Variants in CTNNA2 observed in about 807,000 individuals in gnomAD.
The protein encoded by CTNNA2 is catenin alpha 2, also known as catenin alpha-2.
CTNNA2 carries 42 observed loss-of-function variants against 101.0 expected under a neutral mutation model. That is an observed-to-expected ratio of 0.42 (90% CI 0.32 to 0.54). The LOEUF is 0.54. Ranked by LOEUF, CTNNA2 falls within the 20% of genes least tolerant of loss-of-function variation. The pLI is 0.14. For missense variants in CTNNA2, 871 were observed against 1,223.1 expected, an observed-to-expected ratio of 0.71 and a Z score of 4.29; for synonymous variants, 450 against 456.4, an observed-to-expected ratio of 0.99 and a Z score of 0.18.
At chr2:80,030,635 C>T (rs940201931) in intron 7 of CTNNA2, 22 of 152,010 alleles carry the variant, frequency 1.4e-4, no homozygotes, top group African/African-American at 4.1e-4. Context: ...TAAACAAAAT[C>T]AACAAAGAAA....
At chr2:80,555,917 C>T in intron 12 of CTNNA2, 24 bp downstream of exon 12, 7 of 1,399,176 alleles carry the variant, frequency 5.0e-6, no homozygotes, top group Admixed American at 2.6e-5. Flanking sequence ...TTGGGTCTGG[C>T]CAAAATGTTA....
chr2:80,000,798 AT>A (rs1470221718), intron 7 of CTNNA2, among the ~76,000 whole-genome samples: 1 of 152,090 alleles, frequency 6.6e-6, no homozygotes, highest in Non-Finnish European at 1.5e-5. Context: ...CTGCCTAGGG[AT>A]TTAGGGCAAA....
intron 6 of CTNNA2, among the ~76,000 whole-genome samples, chr2:79,888,696 C>T (rs920601188): frequency 6.6e-6 from 1 of 151,954 alleles, no homozygotes; most frequent in African/African-American, 2.4e-5. Context: ...CTTGAGGCAG[C>T]GAAAAATGTA....
At chr2:80,253,166 C>T (rs1671893032) in intron 7 of CTNNA2, among the ~76,000 whole-genome samples, 2 of 152,122 alleles carry the variant, frequency 1.3e-5, no homozygotes, top group African/African-American at 4.8e-5. Context: ...AGTACAGAGG[C>T]CAGGTACCTG....
chr2:80,002,279 A>G (rs1382507579), intron 7 of CTNNA2, among the ~76,000 whole-genome samples: 1 of 152,146 alleles, frequency 6.6e-6, no homozygotes, highest in East Asian at 1.9e-4. Flanking sequence ...CTGGGCTGGT[A>G]CCACGTGGAC....
At chr2:80,645,201 A>G (rs1454360722) in intron 18 of CTNNA2, among the ~76,000 whole-genome samples, 1 of 152,180 alleles carries the variant, frequency 6.6e-6, no homozygotes, top group East Asian at 1.9e-4. Flanking sequence ...ATGAATTAAC[A>G]TTACTCATTT....
intron 2 of CTNNA2, among the ~76,000 whole-genome samples, chr2:79,677,657 T>C (rs1336226389): frequency 6.6e-6 from 1 of 152,194 alleles, no homozygotes; most frequent in Non-Finnish European, 1.5e-5. Context: ...AATAAAATCA[T>C]CAAGCTTAGA....
At chr2:79,642,325 G>A (rs1558795972) in intron 1 of CTNNA2, among the ~76,000 whole-genome samples, 1 of 152,088 alleles carries the variant, frequency 6.6e-6, no homozygotes. Context: ...GGAGATACCC[G>A]CACCCCACCC....
At chr2:80,587,083 A>G (rs1349810771) in intron 14 of CTNNA2, among the ~76,000 whole-genome samples, 1 of 152,118 alleles carries the variant, frequency 6.6e-6, no homozygotes, top group Non-Finnish European at 1.5e-5. Flanking sequence ...TAGAGTGGTT[A>G]AGAATGATCT....
chr2:79,675,371 T>C (rs959459926), intron 2 of CTNNA2, among the ~76,000 whole-genome samples: 3 of 152,198 alleles, frequency 2.0e-5, no homozygotes, highest in Non-Finnish European at 4.4e-5. Flanking sequence ...CTTAGGATTC[T>C]GGTAAAGAGG....
chr2:79,186,106 A>T (rs1673775915), intron 1 of CTNNA2, among the ~76,000 whole-genome samples: 2 of 152,180 alleles, frequency 1.3e-5, no homozygotes, highest in Admixed American at 6.5e-5. Context: ...ACAGCTGTTT[A>T]GACTAAGGCT....
intron 7 of CTNNA2, among the ~76,000 whole-genome samples, chr2:80,363,701 T>C (rs761590351): frequency 6.6e-5 from 10 of 152,160 alleles, no homozygotes; most frequent in Admixed American, 1.3e-4. Flanking sequence ...ATAATGTGGC[T>C]AGTATGATTC....
At chr2:80,079,614 C>T (rs1232886673) in intron 7 of CTNNA2, among the ~76,000 whole-genome samples, 1 of 151,902 alleles carries the variant, frequency 6.6e-6, no homozygotes, top group African/African-American at 2.4e-5. Flanking sequence ...GAAATGGAGC[C>T]CATCCTGGCT....
At chr2:79,477,281 C>A (rs547639688) in intron 4 of CTNNA2, among the ~76,000 whole-genome samples, 2 of 151,364 alleles carry the variant, frequency 1.3e-5, no homozygotes, top group Non-Finnish European at 2.9e-5. Context: ...CATGATTCTC[C>A]TACCTCAGCC....
intron 6 of CTNNA2, among the ~76,000 whole-genome samples, chr2:79,889,093 G>GCTT (rs1272261578): frequency 1.3e-5 from 2 of 152,138 alleles, no homozygotes; most frequent in African/African-American, 4.8e-5. Context: ...CTTCTCGTGT[G>GCTT]CTTCCTATGT....
At chr2:79,390,062 CT>C (rs1329768785) in intron 4 of CTNNA2, among the ~76,000 whole-genome samples, 1 of 152,160 alleles carries the variant, frequency 6.6e-6, no homozygotes, top group Non-Finnish European at 1.5e-5. Flanking sequence ...TCTCTGCCCT[CT>C]GAGTATCTTC....
intron 1 of CTNNA2, among the ~76,000 whole-genome samples, chr2:79,537,631 G>C (rs1034034993): frequency 2.6e-5 from 4 of 152,092 alleles, no homozygotes; most frequent in African/African-American, 7.2e-5. Context: ...AAATTCAGGG[G>C]TTCACCCAGT....
intron 14 of CTNNA2, among the ~76,000 whole-genome samples, chr2:80,588,397 T>C (rs1297223654): frequency 6.6e-6 from 1 of 152,194 alleles, no homozygotes; most frequent in East Asian, 1.9e-4. Flanking sequence ...GGCAGAGCAT[T>C]GCCTTGTTCA....
chr2:80,133,093 A>T (rs1702500488), intron 7 of CTNNA2, among the ~76,000 whole-genome samples: 2 of 152,250 alleles, frequency 1.3e-5, no homozygotes, highest in South Asian at 4.1e-4. Context: ...CCCTTATAAG[A>T]AGAGGGAATT....
Sources: allele counts gnomAD v4.1 joint callset (sites outside exome capture counted in the v4.1 genomes callset), GRCh38; gene constraint gnomAD v4.1.1; transcripts MANE v1.5; gene names NCBI Gene and HGNC (gene_info 2026-07-23, HGNC 2026-07-21).